Variants in CFAP299 observed in about 807,000 individuals in gnomAD.
CFAP299 encodes the protein cilia and flagella associated protein 299, also known as cilia- and flagella-associated protein 299.
CFAP299 carries 21 observed loss-of-function variants against 27.0 expected under a neutral mutation model. That is an observed-to-expected ratio of 0.78 (90% CI 0.55 to 1.12). The LOEUF is 1.12. Ranked by LOEUF, CFAP299 falls within the 50% of genes most tolerant of loss-of-function variation. The pLI is 0.00. For synonymous variants in CFAP299, 104 were observed against 98.1 expected (o/e 1.06, Z -0.36); for missense variants, 310 against 276.6 (o/e 1.12, Z -0.86).
chr4:80,503,543 G>T (rs1731842947), intron 2 of CFAP299, among the ~76,000 whole-genome samples: 1 of 152,088 alleles, frequency 6.6e-6, no homozygotes, highest in Non-Finnish European at 1.5e-5. Context: ...AGATCAACTG[G>T]AATCAGAATC....
At chr4:80,461,603 A>G (rs1420915176) in intron 2 of CFAP299, among the ~76,000 whole-genome samples, 1 of 152,162 alleles carries the variant, frequency 6.6e-6, no homozygotes, top group East Asian at 1.9e-4. Context: ...ATGTCTGAGC[A>G]CCCATTCCCA....
chr4:80,743,609 T>C (rs1165047340), intron 3 of CFAP299, among the ~76,000 whole-genome samples: 1 of 152,220 alleles, frequency 6.6e-6, no homozygotes, highest in Non-Finnish European at 1.5e-5. Context: ...AGCTGTTCAG[T>C]GGTATTTGAG....
chr4:80,414,730 A>G (rs1306544791), intron 2 of CFAP299, among the ~76,000 whole-genome samples: 1 of 152,222 alleles, frequency 6.6e-6, no homozygotes, highest in East Asian at 1.9e-4. Context: ...ATTGTATTCT[A>G]ACAGACTCCA....
At chr4:80,712,243 A>G (rs1245795161) in intron 3 of CFAP299, among the ~76,000 whole-genome samples, 2 of 152,212 alleles carry the variant, frequency 1.3e-5, no homozygotes, top group Non-Finnish European at 2.9e-5. Context: ...ATTCCTTCTC[A>G]GCATCTGCTC....
At chr4:80,591,105 A>ATTTTTTTTTTTTTTTTT (rs70944795) in intron 3 of CFAP299, among the ~76,000 whole-genome samples, 1 of 126,884 alleles carries the variant, frequency 7.9e-6, no homozygotes, top group Non-Finnish European at 1.6e-5. Flanking sequence ...ACTTTAGGAA[A>ATTTTTTTTTTTTTTTTT]TTTTTTTTTT....
chr4:80,434,152 G>C (rs1375049231), intron 2 of CFAP299, among the ~76,000 whole-genome samples: 1 of 152,172 alleles, frequency 6.6e-6, no homozygotes, highest in Non-Finnish European at 1.5e-5. Context: ...AGCAGGTGTT[G>C]TTAAAATAAT....
chr4:80,859,342 G>A (rs1560449525), intron 3 of CFAP299, among the ~76,000 whole-genome samples: 1 of 152,148 alleles, frequency 6.6e-6, no homozygotes. Flanking sequence ...ACAACACACT[G>A]ATGGGTCTTG....
intron 4 of CFAP299, among the ~76,000 whole-genome samples, chr4:80,912,187 G>A (rs1735506371): frequency 6.6e-6 from 1 of 152,122 alleles, no homozygotes; most frequent in South Asian, 2.1e-4. Context: ...TAGAAAGCTA[G>A]GTGCAATGAA....
intron 2 of CFAP299, among the ~76,000 whole-genome samples, chr4:80,549,092 A>G (rs980254787): frequency 2.0e-5 from 3 of 152,150 alleles, no homozygotes; most frequent in Admixed American, 2.0e-4. Flanking sequence ...AGCAAAATCT[A>G]TTAAGACAGG....
At chr4:80,603,651 T>C (rs955584427) in intron 3 of CFAP299, among the ~76,000 whole-genome samples, 1 of 152,206 alleles carries the variant, frequency 6.6e-6, no homozygotes, top group African/African-American at 2.4e-5. Flanking sequence ...AAATATTTGT[T>C]CAGCACATTG....
chr4:80,700,699 A>G (rs1721419605), intron 3 of CFAP299, among the ~76,000 whole-genome samples: 2 of 152,070 alleles, frequency 1.3e-5, no homozygotes, highest in Admixed American at 1.3e-4. Flanking sequence ...TGTTTAGCCT[A>G]TTCTATCAAG....
intron 3 of CFAP299, among the ~76,000 whole-genome samples, chr4:80,693,610 TG>T (rs559927335): frequency 5.0e-4 from 76 of 151,046 alleles, no homozygotes; most frequent in African/African-American, 1.8e-3. Context: ...TACGAATTAG[TG>T]GGTGCACCAG....
Position 80,741,178 on chromosome 4 carries a change from G to T in CFAP299, c.334-128815G>T, listed in dbSNP as rs186671821. On this transcript the variant is annotated intron_variant, in intron 3 of 5. Transcript: ENST00000358105. ...CACTCCTGAACAGAGCATGTCTCAG[G>T]GTCTATGGTCCACAGCATTCCCTGG... Among the ~76,000 whole-genome samples, 380 of 129,738 alleles carry T rather than the reference G, an allele frequency of 2.9e-3. 2 individuals are homozygous for T. Among genetic ancestry groups the T allele is most frequent in the Admixed American group, 6.4e-3 (91 of 14,140 alleles). The allele number at this position is 129,738 out of a possible 152,430, so 85.1% of individuals were successfully genotyped here. A position where few individuals can be genotyped will look rare whatever the true frequency, so the allele number is the denominator to read the frequency against.
chr4:80,461,673 C>G (rs537928856), intron 2 of CFAP299, among the ~76,000 whole-genome samples: 1 of 152,190 alleles, frequency 6.6e-6, no homozygotes, highest in South Asian at 2.1e-4. Flanking sequence ...AGGGAGTGGT[C>G]CATTCAGTTG....
intron 3 of CFAP299, among the ~76,000 whole-genome samples, chr4:80,694,791 T>C (rs2110020763): frequency 6.6e-6 from 1 of 152,338 alleles, no homozygotes; most frequent in Admixed American, 6.5e-5. Flanking sequence ...AAATTGCTAG[T>C]TTGTTTTTGA....
chr4:80,754,541 G>A (rs1253126786), intron 3 of CFAP299, among the ~76,000 whole-genome samples: 3 of 136,084 alleles, frequency 2.2e-5, no homozygotes, highest in East Asian at 4.2e-4. Flanking sequence ...GGGAAAGTGA[G>A]AGGATGGATC....
chr4:80,693,950 A>T (rs960059835), intron 3 of CFAP299, among the ~76,000 whole-genome samples: 2 of 152,146 alleles, frequency 1.3e-5, no homozygotes, highest in Non-Finnish European at 2.9e-5. Flanking sequence ...TGACTTTCAT[A>T]AAAAGCCAAA....
chr4:80,583,966 G>T (rs1259028549), intron 3 of CFAP299, among the ~76,000 whole-genome samples: 1 of 151,842 alleles, frequency 6.6e-6, no homozygotes, highest in Non-Finnish European at 1.5e-5. Context: ...AAAAAATTTG[G>T]AGTTTTTCCC....
chr4:80,768,148 G>T (rs192520423), intron 3 of CFAP299, among the ~76,000 whole-genome samples: 1 of 152,138 alleles, frequency 6.6e-6, no homozygotes, highest in East Asian at 1.9e-4. Flanking sequence ...TCCCTTCAGG[G>T]AGGATGAATC....
Sources: allele counts gnomAD v4.1 joint callset (sites outside exome capture counted in the v4.1 genomes callset), GRCh38; gene constraint gnomAD v4.1.1; transcripts MANE v1.5; gene names NCBI Gene and HGNC (gene_info 2026-07-23, HGNC 2026-07-21).